The following ZNF148 variants were observed in gnomAD, a reference collection of about 807,000 sequenced individuals.
The protein encoded by ZNF148 is Beta-Enolase Repressor Factor-1.
A neutral mutation model predicts 67.7 loss-of-function variants in ZNF148; 7 were observed. The ratio of observed to expected loss-of-function variants is 0.10; its 90% confidence interval spans 0.06 to 0.19. The LOEUF is 0.19. ZNF148 is among the 10% of genes least tolerant of loss of function. The pLI is 1.00. For missense variants in ZNF148, 583 were observed against 947.1 expected (o/e 0.62, Z 5.05); for synonymous variants, 333 against 330.7 (o/e 1.01, Z -0.08).
At chr3:125,249,624 CA>C (rs1007263858) in intron 7 of ZNF148, among the ~76,000 whole-genome samples, 97 of 150,210 alleles carry the variant, frequency 6.5e-4, no homozygotes, top group East Asian at 3.3e-3. Context: ...CCTAAAAAAA[CA>C]AAAAAAAACT....
At chr3:125,240,423 T>C (rs1238910221) in intron 7 of ZNF148, among the ~76,000 whole-genome samples, 2 of 152,122 alleles carry the variant, frequency 1.3e-5, no homozygotes, top group Non-Finnish European at 2.9e-5. Flanking sequence ...GATGAACCAA[T>C]AATTAACAGT....
intron 1 of ZNF148, among the ~76,000 whole-genome samples, chr3:125,354,642 A>T (rs1044376338): frequency 2.6e-5 from 4 of 152,220 alleles, no homozygotes; most frequent in Admixed American, 2.0e-4. Flanking sequence ...AACAGAACAA[A>T]TGTGTTAAGT....
intron 7 of ZNF148, among the ~76,000 whole-genome samples, chr3:125,270,579 G>A (rs143800524): frequency 6.6e-6 from 1 of 152,174 alleles, no homozygotes; most frequent in South Asian, 2.1e-4. Context: ...CTACATTAAA[G>A]GAAGGCAGGT....
At chr3:125,293,030 T>C (rs1939097517) in intron 4 of ZNF148, among the ~76,000 whole-genome samples, 1 of 152,218 alleles carries the variant, frequency 6.6e-6, no homozygotes, top group Non-Finnish European at 1.5e-5. Context: ...AAAACAGTTA[T>C]TTTTTATTTA....
intron 4 of ZNF148, among the ~76,000 whole-genome samples, chr3:125,296,047 TCTTTC>T (rs1426464955): frequency 4.0e-5 from 6 of 149,466 alleles, no homozygotes; most frequent in African/African-American, 1.5e-4. Flanking sequence ...AAAAAAAAAA[TCTTTC>T]CTTTCACGTT....
chr3:125,287,044 G>C (rs1429294804), intron 5 of ZNF148, among the ~76,000 whole-genome samples: 1 of 152,048 alleles, frequency 6.6e-6, no homozygotes, highest in Non-Finnish European at 1.5e-5. Flanking sequence ...CAATGGTTTT[G>C]GCAACTAATT....
At chr3:125,317,595 C>T (rs7620704) in intron 3 of ZNF148, among the ~76,000 whole-genome samples, 112,497 of 146,092 alleles carry the variant, frequency 0.77, 43,855 homozygotes, top group African/African-American at 0.85. Context: ...CTCCAAGATA[C>T]ATTAAGTGAA....
chr3:125,295,112 C>G (rs1253186872), intron 4 of ZNF148, among the ~76,000 whole-genome samples: 1 of 152,022 alleles, frequency 6.6e-6, no homozygotes, highest in Non-Finnish European at 1.5e-5. Flanking sequence ...AAAAAAACTT[C>G]TAGTGGTTTT....
chr3:125,254,685 T>G (rs560739130), intron 7 of ZNF148, among the ~76,000 whole-genome samples: 1 of 152,014 alleles, frequency 6.6e-6, no homozygotes, highest in Admixed American at 6.6e-5. Context: ...TGTGGTTGTT[T>G]CATACACTGC....
intron 7 of ZNF148, among the ~76,000 whole-genome samples, chr3:125,245,930 GC>G (rs1335423108): frequency 8.5e-5 from 13 of 152,050 alleles, no homozygotes; most frequent in African/African-American, 3.1e-4. Flanking sequence ...TATTCTTCTG[GC>G]CCCTACCTTT....
At chr3:125,302,023 C>T (rs1939614439) in intron 4 of ZNF148, among the ~76,000 whole-genome samples, 1 of 152,044 alleles carries the variant, frequency 6.6e-6, no homozygotes, top group Admixed American at 6.5e-5. Context: ...CAAGACCATG[C>T]CACTGCACTC....
chr3:125,245,992 A>G (rs1244574596), intron 7 of ZNF148, among the ~76,000 whole-genome samples: 1 of 152,144 alleles, frequency 6.6e-6, no homozygotes, highest in Non-Finnish European at 1.5e-5. Flanking sequence ...CTGAGCTCTA[A>G]TCAAAGTGGC....
chr3:125,298,673 G>A (rs1375940181), intron 4 of ZNF148, among the ~76,000 whole-genome samples: 3 of 136,606 alleles, frequency 2.2e-5, no homozygotes, highest in Non-Finnish European at 4.6e-5. Context: ...CGCCCAGGCT[G>A]GAGTGCAGTG....
chr3:125,340,488 T>G (rs1425428997), intron 1 of ZNF148, among the ~76,000 whole-genome samples: 1 of 152,148 alleles, frequency 6.6e-6, no homozygotes, highest in Non-Finnish European at 1.5e-5. Flanking sequence ...AAGAGACCAG[T>G]AGGTGGGTCC....
In ZNF148 at chr3:125,278,170, C is replaced by T. The variant is rs577839724; in HGVS notation, c.584-361G>A. On this transcript the variant is annotated intron_variant, in intron 6 of 8. Transcript: ENST00000360647. ...TCCTTTTTATCTGGAAGAAGGTGCG[C>T]CCATCCTGTTTTCTCCCTAGTTAAC... 1.4e-4 allele frequency among the ~76,000 whole-genome samples: 22 copies of T among 152,252 alleles called. No homozygotes were observed. The South Asian group carries it at 4.6e-3, about 32-fold the overall frequency.
intron 1 of ZNF148, among the ~76,000 whole-genome samples, chr3:125,343,051 C>T (rs1238644768): frequency 2.0e-5 from 3 of 152,312 alleles, no homozygotes; most frequent in East Asian, 3.8e-4. Context: ...TCACGCACTA[C>T]CAGAAAAATT....
chr3:125,258,050 T>G (rs1257395198), intron 7 of ZNF148, among the ~76,000 whole-genome samples: 3 of 152,202 alleles, frequency 2.0e-5, no homozygotes, highest in Non-Finnish European at 4.4e-5. Flanking sequence ...GATTATTTAA[T>G]GTGAATGAGG....
intron 1 of ZNF148, among the ~76,000 whole-genome samples, chr3:125,374,586 C>T (rs1431699941): frequency 1.3e-5 from 2 of 152,114 alleles, no homozygotes; most frequent in Admixed American, 1.3e-4. Context: ...CGGCCCCTCG[C>T]CCTGTTCGCA....
In ZNF148 at chr3:125,252,745, C is replaced by T. The variant is rs149412418; in HGVS notation, c.668-18416G>A. ...ATTGTGCCCCTGCACTCCAGCCTGG[C>T]GACAGAGCAAGACTCTGTCTCAAAA... On this transcript the variant is annotated intron_variant, in intron 7 of 8. Transcript: ENST00000360647. 4.9e-3 allele frequency among the ~76,000 whole-genome samples: 682 copies of T among 140,464 alleles called. 5 individuals carry two copies. Among genetic ancestry groups the T allele is most frequent in the African/African-American group, 0.017 (646 of 37,212 alleles). 92.1% of individuals were successfully genotyped at this position (140,464 alleles called of 152,430 possible).
Sources: allele counts gnomAD v4.1 joint callset (sites outside exome capture counted in the v4.1 genomes callset), GRCh38; gene constraint gnomAD v4.1.1; transcripts MANE v1.5; gene names NCBI Gene and HGNC (gene_info 2026-07-23, HGNC 2026-07-21).